The following NALCN variants were observed in gnomAD, a reference collection of about 807,000 sequenced individuals.
The protein encoded by NALCN is sodium leak channel NALCN.
A neutral mutation model predicts 225.3 loss-of-function variants in NALCN; 111 were observed. The ratio of observed to expected loss-of-function variants is 0.49; its 90% CI spans 0.42 to 0.58. The LOEUF (loss-of-function observed/expected upper bound fraction) is 0.58, where lower values mean the gene tolerates loss of function less well. Ranked by LOEUF, NALCN falls within the 20% of genes least tolerant of loss-of-function variation. NALCN has a pLI of 0.00. For synonymous variants in NALCN, 764 were observed against 769.0 expected (o/e 0.99, Z 0.11); for missense variants, 1,378 against 2,202.4 (o/e 0.63, Z 7.49).
chr13:101,288,552 G>A (rs2043427188), intron 9 of NALCN, among the ~76,000 whole-genome samples: 1 of 152,124 alleles, frequency 6.6e-6, no homozygotes, highest in Non-Finnish European at 1.5e-5. Flanking sequence ...AAACTCAAAA[G>A]TGCCCATTCT....
In NALCN at chr13:101,330,758, T is replaced by C. The variant is rs140509021; in HGVS notation, c.799+14508A>G. Among the ~76,000 whole-genome samples, 742 of 152,270 alleles carry C rather than the reference T, an allele frequency of 4.9e-3. 8 individuals carry two copies. Among genetic ancestry groups the C allele is most frequent in the African/African-American group, 0.017 (708 of 41,566 alleles). On this transcript the variant is annotated intron_variant, in intron 7 of 43. Coordinates refer to ENST00000251127, the MANE Select transcript of NALCN (RefSeq NM_052867.4). ...GATTCAGTGGGAGGTAATTGAATCA[T>C]GGGGGCGAGTCTTTCCTGTGCTGTT...
intron 6 of NALCN, among the ~76,000 whole-genome samples, chr13:101,349,070 C>T (rs1180997503): frequency 2.6e-5 from 4 of 151,990 alleles, no homozygotes; most frequent in Non-Finnish European, 5.9e-5. Flanking sequence ...GAATTCTTGC[C>T]CCACCAGGAA....
At chr13:101,056,246 CTTTTTTTTTT>C (rs34583741) in intron 43 of NALCN, among the ~76,000 whole-genome samples, 21 of 45,852 alleles carry the variant, frequency 4.6e-4, no homozygotes, top group Admixed American at 6.8e-4. Context: ...AGTGGAAGTA[CTTTTTTTTTT>C]TTTTTTTTTT....
At chr13:101,159,308 G>A (rs1045140501) in intron 15 of NALCN, among the ~76,000 whole-genome samples, 1 of 152,148 alleles carries the variant, frequency 6.6e-6, no homozygotes, top group African/African-American at 2.4e-5. Flanking sequence ...TATTCTCAGA[G>A]GAGATTACTT....
intron 7 of NALCN, among the ~76,000 whole-genome samples, chr13:101,308,364 T>C (rs148586016): frequency 2.2e-3 from 341 of 152,326 alleles, no homozygotes; most frequent in African/African-American, 7.6e-3. Context: ...ACTCCTTCCC[T>C]GGACTCATTT....
intron 18 of NALCN, among the ~76,000 whole-genome samples, chr13:101,117,975 T>C (rs929611581): frequency 6.6e-6 from 1 of 152,180 alleles, no homozygotes; most frequent in Non-Finnish European, 1.5e-5. Context: ...AGCACTCAAA[T>C]TACTCTGTAT....
rs376152742 is a variant in NALCN at position 101,107,503 on chromosome 13, G to A, written c.2563C>T (p.Arg855Ter). 41 of 1,613,976 alleles carry A rather than the reference G, an allele frequency of 2.5e-5. No homozygotes were observed. The highest frequency in any genetic ancestry group is 3.0e-5 in the Non-Finnish European group (35 of 1,179,994). The change falls in exon 22 of 44, where the codon CGA becomes TGA. Residue 855 changes from arginine to a stop codon, truncating the protein, a stop_gained. Coordinates refer to ENST00000251127, the MANE Select transcript of NALCN (RefSeq NM_052867.4). LOFTEE classifies it high-confidence loss of function. ...RFRNFCRVVV[R>*]ARFNASKTDP... ...TGTACTTACGCGTTGAAGCGTGCTCGGACCACCACCCGGCAAAAGTTTCTG... is the reference window on the plus strand; with the variant it reads ...TGTACTTACGCGTTGAAGCGTGCTCAGACCACCACCCGGCAAAAGTTTCTG...
chr13:101,371,996 A>C (rs2046553084), intron 6 of NALCN, among the ~76,000 whole-genome samples: 1 of 152,226 alleles, frequency 6.6e-6, no homozygotes, highest in South Asian at 2.1e-4. Context: ...TGATTAAATA[A>C]AATAAATTAT....
At chr13:101,328,099 G>A (rs2045026578) in intron 7 of NALCN, among the ~76,000 whole-genome samples, 1 of 152,178 alleles carries the variant, frequency 6.6e-6, no homozygotes, top group African/African-American at 2.4e-5. Flanking sequence ...CTAGTCAGTT[G>A]TAAATACACA....
At chr13:101,144,116 T>C (rs1244089275) in intron 16 of NALCN, among the ~76,000 whole-genome samples, 1 of 152,246 alleles carries the variant, frequency 6.6e-6, no homozygotes, top group Non-Finnish European at 1.5e-5. Flanking sequence ...ATTCTGTTTG[T>C]AATTTCTTGA....
intron 1 of NALCN, among the ~76,000 whole-genome samples, chr13:101,413,111 G>A (rs962254283): frequency 1.3e-5 from 2 of 152,080 alleles, no homozygotes; most frequent in African/African-American, 4.8e-5. Flanking sequence ...TTGTAAAAGG[G>A]TAGATTTACC....
At chr13:101,075,489 A>G (rs1280691429) in intron 35 of NALCN, among the ~76,000 whole-genome samples, 1 of 151,512 alleles carries the variant, frequency 6.6e-6, no homozygotes, top group East Asian at 1.9e-4. Flanking sequence ...GGAATCATGG[A>G]AACATAAAAA....
At chr13:101,101,939 AT>A (rs1474181507) in intron 26 of NALCN, among the ~76,000 whole-genome samples, 1 of 152,184 alleles carries the variant, frequency 6.6e-6, no homozygotes, top group African/African-American at 2.4e-5. Flanking sequence ...GTCAGGTGAT[AT>A]TTTCTTTTAA....
intron 17 of NALCN, among the ~76,000 whole-genome samples, chr13:101,127,330 A>G (rs191508681): frequency 4.6e-5 from 7 of 152,202 alleles, no homozygotes; most frequent in African/African-American, 1.7e-4. Context: ...TAATAGAAAA[A>G]CATCAGATTT....
chr13:101,267,133 G>A (rs1040426098), intron 10 of NALCN, among the ~76,000 whole-genome samples: 1 of 152,196 alleles, frequency 6.6e-6, no homozygotes, highest in South Asian at 2.1e-4. Flanking sequence ...ATGGAGAGCC[G>A]AGTAAGGGAA....
At chr13:101,381,845 G>T (rs1436485693) in intron 3 of NALCN, among the ~76,000 whole-genome samples, 1 of 147,196 alleles carries the variant, frequency 6.8e-6, no homozygotes, top group African/African-American at 2.4e-5. Flanking sequence ...TTTTTTACTT[G>T]TGTGTTAGGG....
intron 18 of NALCN, among the ~76,000 whole-genome samples, chr13:101,119,697 AAAGGTCACTGCCTTTTG>A (rs1330176133): frequency 6.6e-6 from 1 of 152,240 alleles, no homozygotes; most frequent in African/African-American, 2.4e-5. Context: ...TGATGAGAGA[AAAGGTCACTGCCTTTTG>A]AAAAGAAGCT....
chr13:101,415,267 T>C (rs2047909848), intron 1 of NALCN, among the ~76,000 whole-genome samples: 1 of 132,392 alleles, frequency 7.6e-6, no homozygotes, highest in Non-Finnish European at 1.7e-5. Flanking sequence ...TAATTTTTGA[T>C]CCCCTATTAG....
At chr13:101,109,850 C>T (rs61973994) in intron 20 of NALCN, among the ~76,000 whole-genome samples, 24,741 of 152,094 alleles carry the variant, frequency 0.16, 2,053 homozygotes, top group South Asian at 0.23. Flanking sequence ...AAATTCCCTG[C>T]CCCCAAATCC....
Sources: allele counts gnomAD v4.1 joint callset (sites outside exome capture counted in the v4.1 genomes callset), GRCh38; gene constraint gnomAD v4.1.1; transcripts MANE v1.5; gene names NCBI Gene and HGNC (gene_info 2026-07-23, HGNC 2026-07-21).